PREX1: variants seen among roughly 807,000 people sequenced by gnomAD.
PREX1 encodes phosphatidylinositol 3,4,5-trisphosphate-dependent Rac exchanger 1 protein.
PREX1 carries 41 observed loss-of-function variants against 198.3 expected under a neutral mutation model. That is an observed-to-expected ratio of 0.21 (90% CI 0.16 to 0.27). The LOEUF (loss-of-function observed/expected upper bound fraction) is 0.27, where lower values mean the gene tolerates loss of function less well. Ranked by LOEUF, PREX1 falls within the 10% of genes least tolerant of loss-of-function variation. PREX1 has a pLI of 1.00. For synonymous variants in PREX1, 843 were observed against 887.2 expected (o/e 0.95, Z 0.89); for missense variants, 1,620 against 2,200.7 (o/e 0.74, Z 5.28).
At chr20:48,783,151 G>A (rs1044612200) in intron 1 of PREX1, among the ~76,000 whole-genome samples, 1 of 152,314 alleles carries the variant, frequency 6.6e-6, no homozygotes, top group African/African-American at 2.4e-5. Context: ...GCCTGATATG[G>A]TTGAATGAAG....
intron 6 of PREX1, 97 bp from the exon 7 acceptor site, chr20:48,700,983 A>G: frequency 6.6e-7 from 1 of 1,513,538 alleles, no homozygotes; most frequent in Non-Finnish European, 9.1e-7. Flanking sequence ...GCCACATGCC[A>G]AAAACTCCAC....
chr20:48,710,959 G>C (rs539658697), intron 5 of PREX1, among the ~76,000 whole-genome samples: 1 of 152,246 alleles, frequency 6.6e-6, no homozygotes, highest in Admixed American at 6.5e-5. Flanking sequence ...AGGCCGCAGT[G>C]GGGTGTTTGG....
intron 1 of PREX1, among the ~76,000 whole-genome samples, chr20:48,749,792 C>G (rs893122395): frequency 5.3e-5 from 8 of 152,152 alleles, no homozygotes; most frequent in Admixed American, 2.6e-4. Context: ...TGTTCCATTA[C>G]TGGAATGCTA....
chr20:48,658,848 A>C (rs1452451379), intron 16 of PREX1, among the ~76,000 whole-genome samples: 2 of 152,122 alleles, frequency 1.3e-5, no homozygotes, highest in Non-Finnish European at 2.9e-5. Flanking sequence ...ACAAAACTTC[A>C]TAAAGAGTGG....
rs553008186 is a variant in PREX1, at chr20:48,784,260, T to C, written c.220-36380A>G. Among the ~76,000 whole-genome samples, 8 of 152,306 alleles carry C rather than the reference T, an allele frequency of 5.3e-5. No homozygotes were observed. In the East Asian group the frequency reaches 1.2e-3, roughly 22 times the overall value. ...TCATGCTATAAAGTGAAACCTTACATGAATGATGTGGCATCGTGTAATCAT... is the reference window on the plus strand; with the variant it reads ...TCATGCTATAAAGTGAAACCTTACACGAATGATGTGGCATCGTGTAATCAT... On this transcript the variant is annotated intron_variant, in intron 1 of 39. Transcript: ENST00000371941.
At chr20:48,672,493 CCA>C (rs933436058) in intron 14 of PREX1, among the ~76,000 whole-genome samples, 23 of 152,362 alleles carry the variant, frequency 1.5e-4, no homozygotes, top group Middle Eastern at 3.4e-3. Flanking sequence ...TGAACTGAAG[CCA>C]CACACACTGC....
chr20:48,626,331 G>A (rs549492183), intron 39 of PREX1, among the ~76,000 whole-genome samples: 4 of 152,360 alleles, frequency 2.6e-5, no homozygotes, highest in African/African-American at 7.2e-5. Flanking sequence ...AGGAGGCTGC[G>A]TGGTGTCCAG....
rs1468308716 is a variant in PREX1, at chr20:48,729,882, TA to T, written c.520-3492del. Among the ~76,000 whole-genome samples the T allele has an allele frequency of 3.3e-5, 5 of 152,126 alleles. No homozygotes were observed. The East Asian group carries it at 9.6e-4, about 29-fold the overall frequency. ...TCTTTACAGATGTATGGTAATTAGT[TA>T]AAATAAGGTGATGCTGGATTAGAGG... is the stretch of plus-strand genomic sequence containing the variant. On this transcript the variant is annotated intron_variant, in intron 4 of 39. Transcript: ENST00000371941.
At position 48,649,468 on chromosome 20, in the gene PREX1, T is replaced by C. The variant is rs2089475782; in HGVS notation, c.3137A>G (p.His1046Arg). ...AEGDPQGQGL[H>R]DGSFGPASGT... ...ACTGGCTGGCCCGAAGCTGCCATCA[T>C]GGAGACCCTGGCCTTGGGGATCACC... Residue 1046 changes from histidine (H) to arginine (R), a missense_variant, in exon 25 of 40, where the codon CAT becomes CGT. Physicochemically the swap from His to Arg is conservative, Grantham distance 29 (BLOSUM62 0). This residue lies in a region of PREX1 where 514 missense variants were observed against 611.6 expected (regional missense o/e 0.84). Transcript: ENST00000371941. 6.2e-7 allele frequency: 1 copy of C among 1,614,118 alleles called. No homozygotes were observed. The highest frequency in any genetic ancestry group is 8.5e-7 in the Non-Finnish European group (1 of 1,180,006).
intron 1 of PREX1, among the ~76,000 whole-genome samples, chr20:48,758,562 C>CA: frequency 6.6e-6 from 1 of 152,196 alleles, no homozygotes; most frequent in East Asian, 1.9e-4. Context: ...AGGACGGCCT[C>CA]GCTGCCTGTT....
intron 1 of PREX1, among the ~76,000 whole-genome samples, chr20:48,813,805 TA>T (rs1315426873): frequency 1.3e-5 from 2 of 152,168 alleles, no homozygotes; most frequent in African/African-American, 4.8e-5. Flanking sequence ...TAGAAATGAA[TA>T]ATATATGCAG....
At chr20:48,807,622 AG>A (rs2090417605) in intron 1 of PREX1, among the ~76,000 whole-genome samples, 1 of 152,080 alleles carries the variant, frequency 6.6e-6, no homozygotes, top group Non-Finnish European at 1.5e-5. Flanking sequence ...ACTGAATCAA[AG>A]GGTATCGTGG....
the PREX1 span, among the ~76,000 whole-genome samples, chr20:48,858,017 C>G: frequency 4.6e-5 from 7 of 152,218 alleles, no homozygotes; most frequent in African/African-American, 1.7e-4. Context: ...CAGAGCAGAC[C>G]TGGGGAGGGT....
intron 1 of PREX1, among the ~76,000 whole-genome samples, chr20:48,758,471 T>TG (rs964537806): frequency 4.6e-5 from 7 of 151,878 alleles, no homozygotes; most frequent in Admixed American, 6.6e-5. Flanking sequence ...CCCCCGAGCT[T>TG]GGGGGGGTGA....
intron 1 of PREX1, among the ~76,000 whole-genome samples, chr20:48,763,945 A>G (rs776844540): frequency 5.9e-5 from 9 of 152,158 alleles, no homozygotes; most frequent in Non-Finnish European, 1.3e-4. Flanking sequence ...TTTACGAAAA[A>G]GGAGACCGAG....
the PREX1 span, among the ~76,000 whole-genome samples, chr20:48,840,024 T>C: frequency 2.0e-5 from 3 of 152,218 alleles, no homozygotes; most frequent in Non-Finnish European, 4.4e-5. Context: ...TGTTTGTTTG[T>C]TTGTGTTTGA....
At chr20:48,760,533 C>A (rs1042517283) in intron 1 of PREX1, among the ~76,000 whole-genome samples, 1 of 151,654 alleles carries the variant, frequency 6.6e-6, no homozygotes, top group Admixed American at 6.6e-5. Flanking sequence ...CTGGACCAAA[C>A]AAAAAGGGGG....
chr20:48,675,121 A>G (rs2089699360), intron 14 of PREX1, among the ~76,000 whole-genome samples: 1 of 152,232 alleles, frequency 6.6e-6, no homozygotes, highest in East Asian at 1.9e-4. Context: ...GTGATCCCCA[A>G]TGCAACAGTA....
chr20:48,749,596 C>T (rs903239446), intron 1 of PREX1, among the ~76,000 whole-genome samples: 8 of 152,200 alleles, frequency 5.3e-5, no homozygotes, highest in African/African-American at 1.9e-4. Flanking sequence ...AGACACGACA[C>T]GTCCATGCCT....
Sources: gnomAD v4.1 joint callset for allele counts (sites outside exome capture counted in the v4.1 genomes callset) on GRCh38, gnomAD v4.1.1 for gene constraint, gnomAD v4.1.1 regional missense constraint, MANE v1.5 for transcripts, NCBI Gene and HGNC (gene_info 2026-07-23, HGNC 2026-07-21) for gene names.